The following ZFAND3 variants were observed in gnomAD, a reference collection of about 807,000 sequenced individuals.
ZFAND3 encodes AN1-type zinc finger protein 3.
In ZFAND3, 10 loss-of-function variants were observed where a neutral mutation model predicts 29.6. The ratio of observed to expected loss-of-function variants is 0.34; its 90% CI spans 0.21 to 0.57. The LOEUF (loss-of-function observed/expected upper bound fraction) is 0.57. ZFAND3 is among the 20% of genes least tolerant of loss of function. The probability of loss-of-function intolerance (pLI) is 0.86; values close to 1 mark genes in which losing one functional copy is unlikely to be tolerated. For missense variants in ZFAND3, 230 were observed against 304.5 expected (o/e 0.76, Z 1.82); for synonymous variants, 128 against 112.6 (o/e 1.14, Z -0.87).
chr6:38,083,212 T>G (rs1764696557), intron 4 of ZFAND3, among the ~76,000 whole-genome samples: 1 of 152,118 alleles, frequency 6.6e-6, no homozygotes. Flanking sequence ...GCACAAACTG[T>G]TTCCATGTAC....
intron 2 of ZFAND3, among the ~76,000 whole-genome samples, chr6:38,010,847 C>A (rs1172358110): frequency 1.3e-5 from 2 of 151,352 alleles, no homozygotes; most frequent in Admixed American, 6.6e-5. Context: ...GTGATCCGCT[C>A]ACCTCGGCCT....
intron 5 of ZFAND3, among the ~76,000 whole-genome samples, chr6:38,121,108 C>A (rs541866449): frequency 6.6e-6 from 1 of 152,326 alleles, no homozygotes; most frequent in South Asian, 2.1e-4. Flanking sequence ...AATCCCAACA[C>A]TTTAGGAGGC....
At chr6:37,986,984 T>C (rs1024027487) in intron 2 of ZFAND3, among the ~76,000 whole-genome samples, 4 of 152,212 alleles carry the variant, frequency 2.6e-5, no homozygotes, top group East Asian at 1.9e-4. Context: ...CCACAACTTA[T>C]CAGTGTCAAA....
intron 4 of ZFAND3, among the ~76,000 whole-genome samples, chr6:38,113,642 A>G (rs764023101): frequency 6.6e-6 from 1 of 152,182 alleles, no homozygotes; most frequent in African/African-American, 2.4e-5. Flanking sequence ...GTGATGACTA[A>G]TGATTGTGAT....
chr6:37,939,568 C>G (rs993113289), intron 2 of ZFAND3, among the ~76,000 whole-genome samples: 3 of 152,102 alleles, frequency 2.0e-5, no homozygotes, highest in Non-Finnish European at 4.4e-5. Context: ...ATCATTCAGT[C>G]CACTACGGGA....
At chr6:38,018,395 C>G (rs1763287312) in intron 2 of ZFAND3, among the ~76,000 whole-genome samples, 3 of 152,106 alleles carry the variant, frequency 2.0e-5, no homozygotes, top group Admixed American at 6.6e-5. Context: ...ATTTTCAAAA[C>G]ATATAACGTT....
chr6:38,009,001 G>A (rs974280131), intron 2 of ZFAND3, among the ~76,000 whole-genome samples: 2 of 152,052 alleles, frequency 1.3e-5, no homozygotes, highest in African/African-American at 2.4e-5. Flanking sequence ...ATGTTGTTCC[G>A]ACCAGCTATT....
intron 5 of ZFAND3, among the ~76,000 whole-genome samples, chr6:38,144,220 T>TATATA (rs1554183999): frequency 1.3e-4 from 10 of 74,910 alleles, no homozygotes; most frequent in Admixed American, 4.9e-4. Context: ...TAATATATAA[T>TATATA]ATATATATAT....
intron 1 of ZFAND3, among the ~76,000 whole-genome samples, chr6:37,913,656 C>T (rs1376693024): frequency 6.6e-6 from 1 of 151,430 alleles, no homozygotes; most frequent in African/African-American, 2.4e-5. Context: ...TCAGTCCTTC[C>T]CAGAAAATAG....
chr6:37,881,346 A>G (rs1764891426), intron 1 of ZFAND3, among the ~76,000 whole-genome samples: 1 of 151,552 alleles, frequency 6.6e-6, no homozygotes, highest in African/African-American at 2.4e-5. Flanking sequence ...TTGGCCTCCC[A>G]AAGTGTTGGG....
At chr6:37,853,783 A>G (rs1333323357) in intron 1 of ZFAND3, among the ~76,000 whole-genome samples, 7 of 152,188 alleles carry the variant, frequency 4.6e-5, no homozygotes, top group African/African-American at 1.2e-4. Context: ...TTTATTAGGC[A>G]CCTGAATAAA....
At chr6:38,107,794 C>T (rs796942528) in intron 4 of ZFAND3, among the ~76,000 whole-genome samples, 18 of 152,288 alleles carry the variant, frequency 1.2e-4, no homozygotes, top group African/African-American at 4.1e-4. Context: ...GATTGTGCCA[C>T]TGCACTCTAG....
At chr6:38,134,039 A>G (rs907475658) in intron 5 of ZFAND3, among the ~76,000 whole-genome samples, 2 of 152,190 alleles carry the variant, frequency 1.3e-5, no homozygotes, top group African/African-American at 4.8e-5. Flanking sequence ...AATGGTAAAA[A>G]TGTATGTACC....
chr6:37,953,308 T>TA (rs1762029577), intron 2 of ZFAND3, among the ~76,000 whole-genome samples: 1 of 152,110 alleles, frequency 6.6e-6, no homozygotes, highest in Non-Finnish European at 1.5e-5. Flanking sequence ...CATATATATT[T>TA]AACTTCTCAC....
intron 1 of ZFAND3, among the ~76,000 whole-genome samples, chr6:37,880,540 C>G (rs1174213978): frequency 2.0e-5 from 3 of 152,136 alleles, no homozygotes; most frequent in African/African-American, 7.2e-5. Flanking sequence ...GAGATACCCC[C>G]TCTGAACCAA....
rs956219209 is a variant in ZFAND3, at chr6:37,828,000, C to G, written c.71+7984C>G. Among the ~76,000 whole-genome samples the G allele has an allele frequency of 1.1e-4, 16 of 152,136 alleles. 1 individual carries two copies. The highest frequency in any genetic ancestry group is 3.4e-4 in the African/African-American group (14 of 41,422). ...GTGAGGTTGGTGATGTACTTAGGACCTTTTTGGGAGTGTCTTTTCTCATTT... is the reference window on the plus strand; with the variant it reads ...GTGAGGTTGGTGATGTACTTAGGACGTTTTTGGGAGTGTCTTTTCTCATTT... On this transcript the variant is annotated intron_variant, in intron 1 of 5. Transcript: ENST00000287218.
At chr6:38,150,473 C>T (rs1766199096) in intron 5 of ZFAND3, among the ~76,000 whole-genome samples, 1 of 152,236 alleles carries the variant, frequency 6.6e-6, no homozygotes, top group Non-Finnish European at 1.5e-5. Context: ...GTGCCAGCTA[C>T]ATCCTTGAGA....
chr6:37,987,977 C>T (rs1581816764), intron 2 of ZFAND3, among the ~76,000 whole-genome samples: 1 of 152,272 alleles, frequency 6.6e-6, no homozygotes, highest in Non-Finnish European at 1.5e-5. Context: ...AAGTCCAGAA[C>T]TAAACTAATT....
intron 2 of ZFAND3, among the ~76,000 whole-genome samples, chr6:37,946,528 G>C (rs769326764): frequency 6.6e-6 from 1 of 152,112 alleles, no homozygotes; most frequent in Admixed American, 6.6e-5. Context: ...AAGTTACCAG[G>C]ATACCCTTTC....
Sources: gnomAD v4.1 joint callset for allele counts (sites outside exome capture counted in the v4.1 genomes callset) on GRCh38, gnomAD v4.1.1 for gene constraint, MANE v1.5 for transcripts, NCBI Gene and HGNC (gene_info 2026-07-23, HGNC 2026-07-21) for gene names.